Variants in SVOP observed in about 807,000 individuals in gnomAD.
The protein encoded by SVOP is synaptic vesicle 2-related protein.
A neutral mutation model predicts 69.1 loss-of-function variants in SVOP; 17 were observed. The ratio of observed to expected loss-of-function variants is 0.25; its 90% CI spans 0.17 to 0.37. The LOEUF is 0.37. Among genes scored for constraint, SVOP ranks in the 10% least tolerant of loss-of-function variants. The probability of loss-of-function intolerance (pLI) is 1.00; values close to 1 mark genes in which losing one functional copy is unlikely to be tolerated. For synonymous variants in SVOP, 238 were observed against 238.6 expected (o/e 1.00, Z 0.02); for missense variants, 435 against 597.5 (o/e 0.73, Z 2.84).
intron 4 of SVOP, among the ~76,000 whole-genome samples, chr12:108,975,775 C>A (rs1251222099): frequency 2.0e-5 from 3 of 152,160 alleles, no homozygotes; most frequent in African/African-American, 7.2e-5. Flanking sequence ...AATCTCGGCT[C>A]TCTGCAAACT....
At chr12:109,006,691 T>G (rs1431298249) in intron 1 of SVOP, among the ~76,000 whole-genome samples, 1 of 151,840 alleles carries the variant, frequency 6.6e-6, no homozygotes, top group Non-Finnish European at 1.5e-5. Context: ...GGTTCTGGGG[T>G]GATGAGGGCA....
intron 1 of SVOP, among the ~76,000 whole-genome samples, chr12:108,988,522 C>T (rs2040179087): frequency 6.6e-6 from 1 of 152,110 alleles, no homozygotes; most frequent in Non-Finnish European, 1.5e-5. Context: ...TTTTGAAAAT[C>T]ATTTAATCAA....
At chr12:108,933,177 C>T (rs1399723538) in intron 11 of SVOP, among the ~76,000 whole-genome samples, 1 of 152,082 alleles carries the variant, frequency 6.6e-6, no homozygotes, top group Non-Finnish European at 1.5e-5. Context: ...GCCTGGCCTG[C>T]AACTTTTCAG....
chr12:108,940,809 A>G lies in SVOP; in HGVS notation c.743T>C (p.Leu248Pro). Residue 248 changes from leucine (L) to proline (P), a missense_variant, in exon 8 of 16, where the codon CTC becomes CCC. Physicochemically the swap from Leu to Pro is moderately conservative, Grantham distance 98 (BLOSUM62 -3). Coordinates refer to ENST00000610966, the MANE Select transcript of SVOP (RefSeq NM_018711.5). Reference protein sequence around the residue: ...RWLLILSAVPLLLFAVLCFWL... With the variant: ...RWLLILSAVPPLLFAVLCFWL... ...GAAACACAGCACGGCAAAGAGGAGGAGCGGGACAGCTGAGAGGATGAGCAG... is the reference window on the plus strand; with the variant it reads ...GAAACACAGCACGGCAAAGAGGAGGGGCGGGACAGCTGAGAGGATGAGCAG... The G allele has an allele frequency of 6.5e-7, 1 of 1,537,248 alleles. No individual in the cohort carries two copies. Among genetic ancestry groups the G allele is most frequent in the Non-Finnish European group, 8.7e-7 (1 of 1,146,902 alleles).
chr12:108,935,349 T>A (rs749804396), intron 10 of SVOP, among the ~76,000 whole-genome samples: 1 of 152,232 alleles, frequency 6.6e-6, no homozygotes, highest in Non-Finnish European at 1.5e-5. Flanking sequence ...ATTCATTTCC[T>A]TAGGTTTCAA....
intron 1 of SVOP, among the ~76,000 whole-genome samples, chr12:109,012,428 G>A (rs556631883): frequency 6.6e-6 from 1 of 152,224 alleles, no homozygotes; most frequent in South Asian, 2.1e-4. Flanking sequence ...CCACAAAAAA[G>A]GATGTGAGAT....
intron 10 of SVOP, among the ~76,000 whole-genome samples, chr12:108,936,023 T>TACACACACAC (rs144380662): frequency 0.026 from 3,783 of 144,610 alleles, 149 homozygotes; most frequent in African/African-American, 0.07. Context: ...ATAGTATAAA[T>TACACACACAC]ACACACACAC....
intron 1 of SVOP, among the ~76,000 whole-genome samples, chr12:109,014,966 C>T (rs1190627422): frequency 6.6e-6 from 1 of 152,196 alleles, no homozygotes; most frequent in African/African-American, 2.4e-5. Flanking sequence ...TTCTAGCATT[C>T]CTCTCGCATT....
At chr12:108,991,215 C>G (rs1340892649) in intron 1 of SVOP, among the ~76,000 whole-genome samples, 1 of 152,204 alleles carries the variant, frequency 6.6e-6, no homozygotes, top group East Asian at 1.9e-4. Context: ...TGGTGACAGA[C>G]TGCCTTAGGC....
chr12:108,931,970 C>T (rs547902116), intron 11 of SVOP, among the ~76,000 whole-genome samples: 2 of 152,040 alleles, frequency 1.3e-5, no homozygotes, highest in South Asian at 2.1e-4. Flanking sequence ...TACTATACTT[C>T]GTGAGGGCTC....
At chr12:108,953,376 G>A (rs528480048) in intron 6 of SVOP, among the ~76,000 whole-genome samples, 1 of 150,328 alleles carries the variant, frequency 6.7e-6, no homozygotes, top group East Asian at 2.1e-4. Flanking sequence ...TCAAACTCCC[G>A]ACCTCGGGTG....
At chr12:109,010,127 CAAA>C (rs11311870) in intron 1 of SVOP, among the ~76,000 whole-genome samples, 1 of 119,072 alleles carries the variant, frequency 8.4e-6, no homozygotes, top group African/African-American at 3.2e-5. Context: ...CTCTCTCTCT[CAAA>C]AAAAAAAAAA....
chr12:108,957,448 G>A (rs2039992104), intron 6 of SVOP, among the ~76,000 whole-genome samples: 1 of 152,152 alleles, frequency 6.6e-6, no homozygotes, highest in Non-Finnish European at 1.5e-5. Flanking sequence ...ACAGACGTGA[G>A]CCACCGTGCC....
At chr12:108,992,026 T>C (rs1370107808) in intron 1 of SVOP, among the ~76,000 whole-genome samples, 1 of 152,084 alleles carries the variant, frequency 6.6e-6, no homozygotes, top group Non-Finnish European at 1.5e-5. Flanking sequence ...GTGGGGGTGC[T>C]TGAAAGTCAG....
intron 1 of SVOP, among the ~76,000 whole-genome samples, chr12:109,000,170 A>G (rs1219294330): frequency 1.3e-5 from 2 of 152,264 alleles, no homozygotes; most frequent in Non-Finnish European, 2.9e-5. Flanking sequence ...CCATCAGAGA[A>G]TAGTACAAAC....
chr12:108,962,132 T>C (rs139129122), intron 5 of SVOP, among the ~76,000 whole-genome samples: 36,751 of 152,150 alleles, frequency 0.24, 5,571 homozygotes, highest in Non-Finnish European at 0.34. Flanking sequence ...AGGGTCTCAT[T>C]CTGTTGCCCG....
intron 5 of SVOP, among the ~76,000 whole-genome samples, chr12:108,964,659 G>T (rs1440091695): frequency 1.3e-5 from 2 of 152,120 alleles, no homozygotes; most frequent in Non-Finnish European, 2.9e-5. Context: ...AAAAGCAGGG[G>T]GTACTGCCAG....
At chr12:109,013,310 T>A (rs1218778145) in intron 1 of SVOP, among the ~76,000 whole-genome samples, 1 of 152,018 alleles carries the variant, frequency 6.6e-6, no homozygotes, top group Non-Finnish European at 1.5e-5. Flanking sequence ...GAGAATATGG[T>A]ATTGGAGGAT....
At chr12:108,964,355 T>C (rs949082846) in intron 5 of SVOP, among the ~76,000 whole-genome samples, 1 of 152,034 alleles carries the variant, frequency 6.6e-6, no homozygotes, top group Non-Finnish European at 1.5e-5. Flanking sequence ...CATACAGACA[T>C]TTAATCCCTT....
Sources: gnomAD v4.1 joint callset for allele counts (sites outside exome capture counted in the v4.1 genomes callset) on GRCh38, gnomAD v4.1.1 for gene constraint, MANE v1.5 for transcripts, NCBI Gene and HGNC (gene_info 2026-07-23, HGNC 2026-07-21) for gene names.